AGBL4: variants seen among roughly 807,000 people sequenced by gnomAD.
The protein encoded by AGBL4 is cytosolic carboxypeptidase 6.
Under a neutral mutation model 66.4 loss-of-function variants are expected in AGBL4, and 58 were observed. The observed-to-expected ratio is 0.87, with a 90% CI of 0.71 to 1.09. The LOEUF is 1.09. AGBL4 is among the 50% of genes least tolerant of loss of function. The pLI is 0.00. For missense variants in AGBL4, 579 were observed against 631.0 expected (o/e 0.92, Z 0.88); for synonymous variants, 234 against 222.9 (o/e 1.05, Z -0.44).
At chr1:49,708,381 G>A (rs753994871) in intron 2 of AGBL4, among the ~76,000 whole-genome samples, 8 of 151,700 alleles carry the variant, frequency 5.3e-5, no homozygotes, top group African/African-American at 7.3e-5. Flanking sequence ...CACAGTTCTC[G>A]TCCTGTGTTT....
intron 3 of AGBL4, among the ~76,000 whole-genome samples, chr1:49,258,218 G>GA (rs983410188): frequency 2.0e-5 from 3 of 152,132 alleles, no homozygotes; most frequent in Admixed American, 1.3e-4. Context: ...AAACAGAGCA[G>GA]AAAAAATGGA....
intron 6 of AGBL4, among the ~76,000 whole-genome samples, chr1:48,779,150 C>T (rs900909312): frequency 4.6e-5 from 7 of 152,114 alleles, no homozygotes; most frequent in African/African-American, 1.4e-4. Context: ...CAGAGTTGGC[C>T]GTATTTAACA....
chr1:48,591,085 C>CT (rs1644910282), intron 9 of AGBL4, 100 bp from the exon 10 acceptor site: 1 of 766,500 alleles, frequency 1.3e-6, no homozygotes, highest in Non-Finnish European at 1.9e-6. Context: ...CACACACACC[C>CT]ACCCACCCCC....
At chr1:49,183,850 C>A (rs1407009695) in intron 4 of AGBL4, among the ~76,000 whole-genome samples, 3 of 152,130 alleles carry the variant, frequency 2.0e-5, no homozygotes, top group Admixed American at 1.3e-4. Context: ...CTTGACCTGA[C>A]CACTCCATGT....
At chr1:48,646,694 T>A (rs1049536080) in intron 8 of AGBL4, among the ~76,000 whole-genome samples, 5 of 152,108 alleles carry the variant, frequency 3.3e-5, no homozygotes, top group African/African-American at 1.2e-4. Flanking sequence ...TTCATCACTA[T>A]GAGTCAGAAG....
intron 3 of AGBL4, among the ~76,000 whole-genome samples, chr1:49,258,337 T>A (rs373998331): frequency 6.6e-6 from 1 of 152,128 alleles, no homozygotes; most frequent in Non-Finnish European, 1.5e-5. Context: ...AGAAGAAGGC[T>A]TCAGACGATC....
intron 6 of AGBL4, among the ~76,000 whole-genome samples, chr1:48,721,487 T>C (rs1295026523): frequency 6.6e-6 from 1 of 152,078 alleles, no homozygotes; most frequent in Non-Finnish European, 1.5e-5. Context: ...GCCGGTGGGG[T>C]CCAGTGTGAC....
intron 4 of AGBL4, among the ~76,000 whole-genome samples, chr1:49,199,381 G>T (rs1162274147): frequency 6.6e-6 from 1 of 152,150 alleles, no homozygotes; most frequent in Non-Finnish European, 1.5e-5. Context: ...TATGAAAACA[G>T]GAGAGCAGGA....
chr1:49,371,348 T>A (rs180714997), intron 3 of AGBL4, among the ~76,000 whole-genome samples: 73 of 152,294 alleles, frequency 4.8e-4, no homozygotes, highest in African/African-American at 4.8e-5. Context: ...ATATGTTTAC[T>A]TGCTATCTCC....
At chr1:49,968,101 T>C (rs1323229155) in intron 1 of AGBL4, among the ~76,000 whole-genome samples, 1 of 151,744 alleles carries the variant, frequency 6.6e-6, no homozygotes, top group Non-Finnish European at 1.5e-5. Flanking sequence ...CAGGCACCTG[T>C]AATCTCAGCT....
At chr1:49,425,891 A>G (rs975042456) in intron 3 of AGBL4, among the ~76,000 whole-genome samples, 3 of 152,150 alleles carry the variant, frequency 2.0e-5, no homozygotes, top group African/African-American at 7.2e-5. Context: ...TTCACAAGTG[A>G]TTGCTCATCT....
chr1:49,085,929 C>T (rs778530252), intron 4 of AGBL4, among the ~76,000 whole-genome samples: 12 of 152,254 alleles, frequency 7.9e-5, no homozygotes, highest in Admixed American at 5.2e-4. Flanking sequence ...AGCAGATCAG[C>T]GTTGGTGTCA....
chr1:49,569,082 C>T (rs928977818), intron 3 of AGBL4, among the ~76,000 whole-genome samples: 20 of 152,168 alleles, frequency 1.3e-4, no homozygotes, highest in Non-Finnish European at 2.1e-4. Flanking sequence ...TTTGCAACAA[C>T]ATGAATGGAA....
At chr1:49,468,959 C>T (rs74554887) in intron 3 of AGBL4, among the ~76,000 whole-genome samples, 4,170 of 151,820 alleles carry the variant, frequency 0.027, 168 homozygotes, top group African/African-American at 0.095. Context: ...AGTGGTGACC[C>T]ATTGTAGTTT....
intron 3 of AGBL4, among the ~76,000 whole-genome samples, chr1:49,380,086 G>A (rs1570571753): frequency 6.6e-6 from 1 of 152,136 alleles, no homozygotes; most frequent in Admixed American, 6.6e-5. Context: ...CGACATGATT[G>A]TATATCTAGA....
chr1:48,729,653 T>C (rs918981599), intron 6 of AGBL4, among the ~76,000 whole-genome samples: 2 of 152,092 alleles, frequency 1.3e-5, no homozygotes, highest in African/African-American at 4.8e-5. Context: ...CACTGCTACC[T>C]GCCCATATGC....
intron 3 of AGBL4, among the ~76,000 whole-genome samples, chr1:49,276,076 C>T (rs1644161567): frequency 1.3e-5 from 2 of 151,690 alleles, no homozygotes; most frequent in Non-Finnish European, 2.9e-5. Flanking sequence ...CATAGAAATG[C>T]CTCTTATTAT....
chr1:48,860,897 T>C (rs1647406185), intron 6 of AGBL4, among the ~76,000 whole-genome samples: 1 of 152,174 alleles, frequency 6.6e-6, no homozygotes, highest in Admixed American at 6.5e-5. Context: ...CTAAAAATGA[T>C]ACTAAACAAA....
chr1:48,751,254 T>C (rs1424241561), intron 6 of AGBL4, among the ~76,000 whole-genome samples: 1 of 152,142 alleles, frequency 6.6e-6, no homozygotes, highest in Non-Finnish European at 1.5e-5. Flanking sequence ...GCTTTTAAAT[T>C]AAGCAGGAAA....
Sources: allele counts gnomAD v4.1 joint callset (sites outside exome capture counted in the v4.1 genomes callset), GRCh38; gene constraint gnomAD v4.1.1; transcripts MANE v1.5; gene names NCBI Gene and HGNC (gene_info 2026-07-23, HGNC 2026-07-21).